Variants in PPFIA2 observed in about 807,000 individuals in gnomAD.
The protein encoded by PPFIA2 is PPFI scaffold protein A2.
A neutral mutation model predicts 175.5 loss-of-function variants in PPFIA2; 46 were observed. That is an observed-to-expected ratio of 0.26 (90% confidence interval 0.21 to 0.34). PPFIA2 has a LOEUF of 0.34. Among genes scored for constraint, PPFIA2 ranks in the 10% least tolerant of loss-of-function variants. PPFIA2 has a pLI of 1.00. For synonymous variants in PPFIA2, 568 were observed against 511.4 expected (o/e 1.11, Z -1.49); for missense variants, 1,179 against 1,506.1 (o/e 0.78, Z 3.60).
chr12:81,584,868 T>TATA, intron 4 of PPFIA2, among the ~76,000 whole-genome samples: 3 of 99,712 alleles, frequency 3.0e-5, no homozygotes, highest in Admixed American at 1.4e-4. Context: ...AATATAATTA[T>TATA]ATTATATAAT....
chr12:81,638,682 C>CTTTTT (rs869311003), intron 4 of PPFIA2, among the ~76,000 whole-genome samples: 1,119 of 72,704 alleles, frequency 0.015, 61 homozygotes, highest in African/African-American at 0.03. Context: ...CATAAATTTT[C>CTTTTT]TTTTTTTTTT....
intron 3 of PPFIA2, among the ~76,000 whole-genome samples, chr12:81,679,352 T>C (rs2073168194): frequency 6.6e-6 from 1 of 151,938 alleles, no homozygotes. Flanking sequence ...ATATTAATGA[T>C]ATAAATTTTA....
At chr12:81,383,629 A>G (rs2038273522) in intron 9 of PPFIA2, among the ~76,000 whole-genome samples, 1 of 152,130 alleles carries the variant, frequency 6.6e-6, no homozygotes, top group South Asian at 2.1e-4. Flanking sequence ...CCCCTTCATG[A>G]CACAAAACCA....
At chr12:81,645,232 A>G (rs2065901549) in intron 4 of PPFIA2, among the ~76,000 whole-genome samples, 1 of 151,902 alleles carries the variant, frequency 6.6e-6, no homozygotes, top group Non-Finnish European at 1.5e-5. Flanking sequence ...GAAAGAAGGA[A>G]CTTTTAAAAA....
intron 4 of PPFIA2, among the ~76,000 whole-genome samples, chr12:81,461,538 A>G (rs571249812): frequency 6.6e-6 from 1 of 152,188 alleles, no homozygotes; most frequent in East Asian, 1.9e-4. Context: ...GACCTCATAG[A>G]AATGTCAGAA....
At chr12:81,280,535 A>G (rs1161403587) in intron 27 of PPFIA2, among the ~76,000 whole-genome samples, 1 of 152,126 alleles carries the variant, frequency 6.6e-6, no homozygotes, top group Non-Finnish European at 1.5e-5. Context: ...ATCTATGGTT[A>G]TATTTATTAA....
At chr12:81,550,112 G>C (rs143689003) in intron 4 of PPFIA2, among the ~76,000 whole-genome samples, 1 of 151,934 alleles carries the variant, frequency 6.6e-6, no homozygotes, top group South Asian at 2.1e-4. Flanking sequence ...GGAGGCACTA[G>C]AGACTTAGAG....
chr12:81,723,077 CA>C (rs1264050037), intron 3 of PPFIA2, among the ~76,000 whole-genome samples: 2 of 151,048 alleles, frequency 1.3e-5, no homozygotes, highest in African/African-American at 4.8e-5. Context: ...TCTAAAGGCA[CA>C]AGTGCACATA....
chr12:81,746,593 G>C (rs2083097657), intron 3 of PPFIA2, among the ~76,000 whole-genome samples: 1 of 144,018 alleles, frequency 6.9e-6, no homozygotes. Flanking sequence ...GGACTTTTTT[G>C]TTGTTAATTG....
At chr12:81,460,949 G>A (rs572114443) in intron 4 of PPFIA2, among the ~76,000 whole-genome samples, 303 of 152,124 alleles carry the variant, frequency 2.0e-3, no homozygotes, top group African/African-American at 6.8e-3. Context: ...GGGTGATTAC[G>A]ATAAGTTGTT....
chr12:81,683,655 A>C (rs1454433413), intron 3 of PPFIA2, among the ~76,000 whole-genome samples: 1 of 152,022 alleles, frequency 6.6e-6, no homozygotes, highest in Non-Finnish European at 1.5e-5. Context: ...AAAAATATTC[A>C]AAATTTGGCT....
intron 3 of PPFIA2, among the ~76,000 whole-genome samples, chr12:81,717,085 T>C (rs2078722950): frequency 6.6e-6 from 1 of 151,684 alleles, no homozygotes; most frequent in Admixed American, 6.6e-5. Flanking sequence ...GCAAGCTTTT[T>C]CTGTAGTGGG....
rs1232944967 is a variant in PPFIA2, at chr12:81,408,287, T to C, written c.646-2384A>G. The stretch of plus-strand genomic sequence containing the variant: ...ATTACAATTGATACATGAGATTTTA[T>C]GAATTATAAATTTTAAAATATTCAA... On this transcript the variant is annotated intron_variant, in intron 7 of 32. Transcript: ENST00000549396. Among the ~76,000 whole-genome samples the C allele has an allele frequency of 4.6e-5, 7 of 152,196 alleles. 1 individual carries two copies. Among genetic ancestry groups the C allele is most frequent in the Admixed American group, 4.6e-4 (7 of 15,276 alleles).
chr12:81,302,882 C>T (rs1190608210), intron 22 of PPFIA2, among the ~76,000 whole-genome samples: 2 of 152,022 alleles, frequency 1.3e-5, no homozygotes, highest in African/African-American at 4.8e-5. Context: ...GTGGGCAATG[C>T]TATAATACTT....
intron 4 of PPFIA2, among the ~76,000 whole-genome samples, chr12:81,625,958 G>C (rs1392001010): frequency 1.3e-5 from 2 of 150,762 alleles, no homozygotes; most frequent in East Asian, 3.9e-4. Context: ...GAAAGAGAAA[G>C]GGATAATTCT....
At chr12:81,727,765 A>G (rs758538707) in intron 3 of PPFIA2, among the ~76,000 whole-genome samples, 25 of 151,420 alleles carry the variant, frequency 1.7e-4, no homozygotes, top group Non-Finnish European at 2.7e-4. Context: ...CTTTCAGGTG[A>G]TCCTGATGTA....
At position 81,424,403 on chromosome 12, in the gene PPFIA2, C is replaced by T. The variant is rs541199318; in HGVS notation, c.645+15569G>A. On this transcript the variant is annotated intron_variant, in intron 7 of 32. Transcript: ENST00000549396. ...ATATAAAATACATCTATATATCTAT[C>T]TTTATAGTTATTTGAACGAAATATG... Among the ~76,000 whole-genome samples, 240 of 152,192 alleles carry T rather than the reference C, an allele frequency of 1.6e-3. 2 individuals are homozygous for T. Among genetic ancestry groups the T allele is most frequent in the African/African-American group, 5.0e-3 (208 of 41,546 alleles).
chr12:81,624,442 ATATG>A (rs1220152536), intron 4 of PPFIA2, among the ~76,000 whole-genome samples: 8 of 147,002 alleles, frequency 5.4e-5, no homozygotes, highest in Non-Finnish European at 9.0e-5. Context: ...TACATATATT[ATATG>A]TATAATTATA....
intron 3 of PPFIA2, among the ~76,000 whole-genome samples, chr12:81,731,360 C>T (rs2080882494): frequency 6.6e-6 from 1 of 151,580 alleles, no homozygotes; most frequent in South Asian, 2.1e-4. Flanking sequence ...GAAGGTTTAG[C>T]ACTTTTTTTG....
Sources: gnomAD v4.1 joint callset for allele counts (sites outside exome capture counted in the v4.1 genomes callset) on GRCh38, gnomAD v4.1.1 for gene constraint, MANE v1.5 for transcripts, NCBI Gene and HGNC (gene_info 2026-07-23, HGNC 2026-07-21) for gene names.